Variants in BBS5 observed in about 807,000 individuals in gnomAD.
BBS5 encodes BBSome complex member BBS5.
A neutral mutation model predicts 50.2 loss-of-function variants in BBS5; 39 were observed. That is an observed-to-expected ratio of 0.78 (90% CI 0.60 to 1.01). The LOEUF is 1.01. BBS5 is among the 50% of genes least tolerant of loss of function. The pLI is 0.00. For synonymous variants in BBS5, 134 were observed against 133.1 expected (o/e 1.01, Z -0.05); for missense variants, 356 against 401.5 (o/e 0.89, Z 0.97).
At chr2:169,497,942 G>T (rs1194250774) in intron 8 of BBS5, among the ~76,000 whole-genome samples, 1 of 152,140 alleles carries the variant, frequency 6.6e-6, no homozygotes, top group African/African-American at 2.4e-5. Context: ...AAGTCATTGT[G>T]CCGAGGGCTT....
At chr2:169,504,160 T>G (rs374085442) in intron 10 of BBS5, 143 bp from the exon 11 acceptor site, 4 of 755,576 alleles carry the variant, frequency 5.3e-6, no homozygotes, top group Non-Finnish European at 6.9e-6. Context: ...ATTGTAGAGA[T>G]AGGTGAAAAA....
rs1185035145 is a variant in BBS5 at position 169,506,161 on chromosome 2, C to G, written c.*1579C>G. The G allele has an allele frequency of 6.6e-6, 1 of 150,824 alleles. No homozygotes were observed. Among genetic ancestry groups the G allele is most frequent in the Non-Finnish European group, 1.5e-5 (1 of 68,644 alleles). The allele number at this position is 150,824 out of a possible 1,614,324, so 9.3% of individuals were successfully genotyped here. On this transcript the variant is annotated 3_prime_UTR_variant, in exon 12 of 12. Transcript: ENST00000295240. ...TCAGCCCCCCGCCCGGCCAGCCGCCCGGTCCGGGAGGGAGGTGGGGGGGTC... is the reference window on the plus strand; with the variant it reads ...TCAGCCCCCCGCCCGGCCAGCCGCCGGGTCCGGGAGGGAGGTGGGGGGGTC...
Position 169,497,701 on chromosome 2 carries a change from T to G in BBS5, c.681+12T>G, listed in dbSNP as rs1683719422. The G allele has an allele frequency of 6.5e-7, 1 of 1,545,186 alleles. No homozygotes were observed. The highest frequency in any genetic ancestry group is 1.4e-5 in the African/African-American group (1 of 73,366). ...AAAGCTCTCAGCAGGTAAGATCTTG[T>G]ATATTTTTATTAATCTTTGATTTTT... On this transcript the variant is annotated intron_variant, in intron 8 of 11. Transcript: ENST00000295240.
At chr2:169,497,567 A>G in intron 7 of BBS5, 60 bp from the exon 8 acceptor site, 1 of 999,264 alleles carries the variant, frequency 1.0e-6, no homozygotes, top group East Asian at 2.4e-5. Context: ...AAACTGAGTT[A>G]AAGAGTCACT....
rs534981170 is a variant in BBS5, at chr2:169,492,222, T to G, written c.387-652T>G. On this transcript the variant is annotated intron_variant, in intron 5 of 11. Transcript: ENST00000295240. ...ATTAAAAAATAGGGGCTGGGCATGG[T>G]GGCTCACGCCTGTAATCCCAGCACT... Among the ~76,000 whole-genome samples the G allele has an allele frequency of 2.6e-5, 4 of 151,690 alleles. No homozygotes were observed. The East Asian group carries it at 7.8e-4, about 30-fold the overall frequency.
chr2:169,496,868 C>CA (rs1172725532), intron 7 of BBS5, among the ~76,000 whole-genome samples: 1,273 of 126,450 alleles, frequency 0.01, 11 homozygotes, highest in African/African-American at 0.022. Context: ...GACTCCGTCT[C>CA]AAAAAAAAAA....
Position 169,506,248 on chromosome 2 carries a change from C to G in BBS5, c.*1666C>G, listed in dbSNP as rs958286206. ...TAGGGGCGCCTCTGCCCGGCCGCCC[C>G]TACTGGGAAGTGAGGAGCCCCTCTG... On this transcript the variant is annotated 3_prime_UTR_variant, in exon 12 of 12. Coordinates refer to ENST00000295240, the MANE Select transcript of BBS5 (RefSeq NM_152384.3). The G allele has an allele frequency of 1.8e-5, 3 of 162,380 alleles. No individual in the cohort carries two copies. The highest frequency in any genetic ancestry group is 3.9e-5 in the Non-Finnish European group (3 of 76,616). The allele number at this position is 162,380 out of a possible 1,614,324, so 10.1% of individuals were successfully genotyped here.
In BBS5 at chr2:169,493,763, T is replaced by A; in HGVS notation, c.545T>A (p.Ile182Asn). The A allele has an allele frequency of 1.2e-6, 2 of 1,612,574 alleles. No individual in the cohort carries two copies. The highest frequency in any genetic ancestry group is 1.7e-6 in the Non-Finnish European group (2 of 1,178,666). The change falls in exon 7 of 12, where the codon ATT becomes AAT. Residue 182 changes from isoleucine (I) to asparagine (N), a missense_variant. By Grantham distance (149) the Ile-to-Asn change is moderately radical. Transcript: ENST00000295240. The part of the protein sequence containing the change: ...SDQGNLGTFF[I>N]TNVRIVWHAN... ...CAGGGCAATTTAGGAACCTTTTTTA[T>A]TACCAATGTGAGAATTGTGTGGCAT...
intron 9 of BBS5, among the ~76,000 whole-genome samples, chr2:169,501,833 T>C (rs1217660834): frequency 6.6e-6 from 1 of 152,206 alleles, no homozygotes; most frequent in Non-Finnish European, 1.5e-5. Context: ...ACATGGGAGA[T>C]GCTTGATAGG....
chr2:169,498,154 T>G (rs1398047789), intron 8 of BBS5, among the ~76,000 whole-genome samples: 3 of 152,238 alleles, frequency 2.0e-5, no homozygotes, highest in Non-Finnish European at 2.9e-5. Flanking sequence ...CATATATTTG[T>G]GTACACACAC....
rs539290131 is a variant in BBS5, at chr2:169,504,919, G to C, written c.*337G>C. 1 of 1,613,660 alleles carries C rather than the reference G, an allele frequency of 6.2e-7. No individual in the cohort carries two copies. Among genetic ancestry groups the C allele is most frequent in the Non-Finnish European group, 8.5e-7 (1 of 1,179,898 alleles). Reference sequence around the variant, plus strand: ...TTCGCCCAGCCAATGGGGACGTTGCGGCCCAGTGGGTGGAGGTCCAAAGAG... The same window carrying C: ...TTCGCCCAGCCAATGGGGACGTTGCCGCCCAGTGGGTGGAGGTCCAAAGAG... On this transcript the variant is annotated 3_prime_UTR_variant, in exon 12 of 12. Transcript: ENST00000295240.
intron 8 of BBS5, among the ~76,000 whole-genome samples, chr2:169,497,897 A>G (rs1683724775): frequency 6.6e-6 from 1 of 152,220 alleles, no homozygotes; most frequent in Non-Finnish European, 1.5e-5. Flanking sequence ...AGACATGATC[A>G]TTTGTGATCA....
Position 169,504,741 on chromosome 2 carries a change from CTT to C in BBS5, c.*160_*161del. 2.3e-6 allele frequency: 3 copies of C among 1,277,254 alleles called. No homozygotes were observed. The highest frequency in any genetic ancestry group is 3.3e-6 in the Non-Finnish European group (3 of 913,642). The allele number at this position is 1,277,254 out of a possible 1,614,324, so 79.1% of individuals were successfully genotyped here. A position where few individuals can be genotyped will look rare whatever the true frequency, so the allele number is the denominator to read the frequency against. On this transcript the variant is annotated 3_prime_UTR_variant, in exon 12 of 12. Transcript: ENST00000295240. ...ATTGAGGAAAAAGTCATTTAGAAAA[CTT>C]CAGTTTTCGGCCAGCGCGTCGAGGG...
intron 8 of BBS5, among the ~76,000 whole-genome samples, chr2:169,498,762 G>T (rs1450104264): frequency 6.7e-6 from 1 of 149,638 alleles, no homozygotes; most frequent in Non-Finnish European, 1.5e-5. Context: ...AGCCGAGATC[G>T]CGCCGCTGCA....
rs1683548747 is a variant in BBS5, at chr2:169,489,366, G to A, written c.386+1252G>A. The stretch of plus-strand genomic sequence containing the variant: ...TAATCCCAGCTACTCTGGAGGCTGA[G>A]GCAGGAAAATTACTTGAACCAGGGA... On this transcript the variant is annotated intron_variant, in intron 5 of 11. Coordinates refer to ENST00000295240, the MANE Select transcript of BBS5 (RefSeq NM_152384.3). Among the ~76,000 whole-genome samples, 6 of 152,028 alleles carry A rather than the reference G, an allele frequency of 3.9e-5. No individual in the cohort carries two copies. The South Asian group carries it at 1.2e-3, about 32-fold the overall frequency.
chr2:169,493,823 C>T lies in BBS5; in HGVS notation c.605C>T (p.Pro202Leu). The T allele has an allele frequency of 6.3e-7, 1 of 1,593,546 alleles. No individual in the cohort carries two copies. The change falls in exon 7 of 12, where the codon CCA becomes CTA. Residue 202 changes from proline to leucine, a missense_variant. Physicochemically the swap from Pro to Leu is moderately conservative, Grantham distance 98. Coordinates refer to ENST00000295240, the MANE Select transcript of BBS5 (RefSeq NM_152384.3). ...AATGATAGTTTTAATGTCAGTATACCATATCTGCAAATTGTAAGTACATAC... is the reference window on the plus strand; with the variant it reads ...AATGATAGTTTTAATGTCAGTATACTATATCTGCAAATTGTAAGTACATAC... ...NMNDSFNVSI[P>L]YLQIRSIKIR...
intron 5 of BBS5, 72 bp downstream of exon 5, chr2:169,488,186 A>C (rs1237339014): frequency 6.7e-7 from 1 of 1,499,348 alleles, no homozygotes; most frequent in Non-Finnish European, 9.2e-7. Flanking sequence ...ACAGTCCCCA[A>C]CCTTTTTGGC....
intron 2 of BBS5, among the ~76,000 whole-genome samples, chr2:169,485,075 T>G (rs1326518978): frequency 6.6e-6 from 1 of 152,192 alleles, no homozygotes; most frequent in African/African-American, 2.4e-5. Context: ...GGCAAACCCT[T>G]CCCACTCCAT....
intron 9 of BBS5, among the ~76,000 whole-genome samples, chr2:169,501,227 G>A (rs1289717590): frequency 6.6e-6 from 1 of 152,152 alleles, no homozygotes; most frequent in Admixed American, 6.5e-5. Context: ...AAAGTCAGCT[G>A]TACTCAAAAC....
Sources: allele counts gnomAD v4.1 joint callset (sites outside exome capture counted in the v4.1 genomes callset), GRCh38; gene constraint gnomAD v4.1.1; transcripts MANE v1.5; gene names NCBI Gene and HGNC (gene_info 2026-07-23, HGNC 2026-07-21).